Variants in IKBIP observed in about 807,000 individuals in gnomAD.
IKBIP encodes the protein IKBKB interacting protein.
A neutral mutation model predicts 31.0 loss-of-function variants in IKBIP; 28 were observed. The ratio of observed to expected loss-of-function variants is 0.90; its 90% CI spans 0.67 to 1.24. IKBIP has a LOEUF of 1.24. IKBIP is among the 50% of genes most tolerant of loss of function. The probability of loss-of-function intolerance (pLI) is 0.00; values close to 1 mark genes in which losing one functional copy is unlikely to be tolerated. For synonymous variants in IKBIP, 164 were observed against 160.3 expected (o/e 1.02, Z -0.17); for missense variants, 453 against 441.9 (o/e 1.03, Z -0.23).
exon 3 of IKBIP, chr12:98,613,766 A>G (rs1457085062): frequency 1.2e-6 from 2 of 1,611,706 alleles, no homozygotes; most frequent in Non-Finnish European, 1.7e-6. Flanking sequence ...TAAACGGGAA[A>G]AGTCCTTCTT....
Position 98,626,398 on chromosome 12 carries a change from T to G in IKBIP, c.666A>C (p.Glu222Asp). Residue 222 changes from glutamate (E) to aspartate (D), a missense_variant, in exon 3 of 3, where the codon GAA (glutamate) becomes GAC (aspartate). Physicochemically the swap from Glu to Asp is conservative, Grantham distance 45. Transcript: ENST00000299157. ...NIRTVKRQEE[E>D]DLLRVEEQLG... ...GCTGCTCCTCTACTCGCAGGAGATCTTCTTCTTCTTGTCTTTTTACTGTTC... is the reference window on the plus strand; with the variant it reads ...GCTGCTCCTCTACTCGCAGGAGATCGTCTTCTTCTTGTCTTTTTACTGTTC... The G allele has an allele frequency of 6.2e-7, 1 of 1,607,650 alleles. No individual in the cohort carries two copies. The highest frequency in any genetic ancestry group is 8.5e-7 in the Non-Finnish European group (1 of 1,174,832).
chr12:98,630,827 T>A (rs1399527987), intron 2 of IKBIP, among the ~76,000 whole-genome samples: 1 of 152,250 alleles, frequency 6.6e-6, no homozygotes, highest in Non-Finnish European at 1.5e-5. Context: ...ATCTGGGTTA[T>A]GCTGCCCTTT....
rs1386363831 is a variant in IKBIP at position 98,626,682 on chromosome 12, G to C, written c.382C>G (p.Gln128Glu). 6.2e-7 allele frequency: 1 copy of C among 1,613,916 alleles called. No individual in the cohort carries two copies. The highest frequency in any genetic ancestry group is 1.1e-5 in the South Asian group (1 of 91,070). ...TTTTGAATGTCATGCATGATATCTT[G>C]GAGGTTGGATACTTCCTGCTCAAAC... ...TQFEQEVSNL[Q>E]DIMHDIQNNE... Residue 128 changes from glutamine (Q) to glutamate (E), a missense_variant, in exon 3 of 3, where the codon CAA becomes GAA. Physicochemically the swap from Gln to Glu is conservative, Grantham distance 29 (BLOSUM62 2). Coordinates refer to ENST00000299157, the MANE Select transcript of IKBIP (RefSeq NM_153687.4).
intron 1 of IKBIP, among the ~76,000 whole-genome samples, chr12:98,637,597 T>C (rs2097626907): frequency 6.6e-6 from 1 of 152,104 alleles, no homozygotes; most frequent in Non-Finnish European, 1.5e-5. Context: ...TTAGTAGAGA[T>C]GGGGTTTCAC....
exon 3 of IKBIP, chr12:98,613,916 G>C: frequency 6.2e-7 from 1 of 1,613,570 alleles, no homozygotes; most frequent in Non-Finnish European, 8.5e-7. Context: ...CTTCTTAACA[G>C]AGTTAATTCT....
Position 98,634,323 on chromosome 12 carries a change from T to C in IKBIP, c.270A>G (p.Gln90=), listed in dbSNP as rs2153299699. 1 of 1,584,638 alleles carries C rather than the reference T, an allele frequency of 6.3e-7. No individual in the cohort carries two copies. Among genetic ancestry groups the C allele is most frequent in the Non-Finnish European group, 8.7e-7 (1 of 1,154,242 alleles). The part of the protein sequence containing the change: ...KLETNEFQQL[Q]SKISLISEKL... ...TTTCTGAAATTAAACTGATTTTACT[T>C]TGAAGTTGTTGGAATTCATTGGTTT... Residue 90 remains glutamine, a synonymous_variant, in exon 2 of 3, where the codon CAA becomes CAG. Transcript: ENST00000299157.
At chr12:98,626,856 G>T in intron 2 of IKBIP, 90 bp from the exon 3 acceptor site, 1 of 976,866 alleles carries the variant, frequency 1.0e-6, no homozygotes, top group Non-Finnish European at 1.5e-6. Flanking sequence ...CATAACACAT[G>T]CCACGTTAAA....
chr12:98,622,454 T>G (rs1565838353), downstream of IKBIP, among the ~76,000 whole-genome samples: 1 of 151,850 alleles, frequency 6.6e-6, no homozygotes, highest in Non-Finnish European at 1.5e-5. Flanking sequence ...CCCAGGAAGT[T>G]GACACTGTGG....
intron 1 of IKBIP, among the ~76,000 whole-genome samples, chr12:98,638,447 A>G (rs1846942019): frequency 6.6e-6 from 1 of 151,984 alleles, no homozygotes; most frequent in Non-Finnish European, 1.5e-5. Flanking sequence ...ATGCCTGGCT[A>G]ATTTTTTATA....
At chr12:98,644,478 G>A (rs1187254469) in intron 1 of IKBIP, 45 bp downstream of exon 1, 2 of 1,518,860 alleles carry the variant, frequency 1.3e-6, no homozygotes, top group South Asian at 2.5e-5. Flanking sequence ...CCAAACAGCA[G>A]GGGGCCCACA....
chr12:98,635,585 A>C (rs923176208), intron 1 of IKBIP, among the ~76,000 whole-genome samples: 2 of 152,222 alleles, frequency 1.3e-5, no homozygotes, highest in Non-Finnish European at 2.9e-5. Flanking sequence ...AATTTAGAAC[A>C]AGATCTTTGA....
downstream of IKBIP, among the ~76,000 whole-genome samples, chr12:98,619,873 G>GA (rs562387976): frequency 0.02 from 1,362 of 68,950 alleles, 16 homozygotes; most frequent in African/African-American, 0.031. Flanking sequence ...CCCTTTCTCA[G>GA]AAAAAAAAAA....
chr12:98,637,704 G>A (rs1593000105), intron 1 of IKBIP, among the ~76,000 whole-genome samples: 1 of 151,980 alleles, frequency 6.6e-6, no homozygotes, highest in Non-Finnish European at 1.5e-5. Context: ...ACCGCGCCCG[G>A]CTTTTTTCTT....
intron 2 of IKBIP, among the ~76,000 whole-genome samples, 199 bp from the exon 3 acceptor site, chr12:98,626,965 TTTTATTTA>T (rs377000418): frequency 6.6e-6 from 1 of 152,090 alleles, no homozygotes. Flanking sequence ...CCCTGCATTG[TTTTATTTA>T]TTTATTTATT....
chr12:98,628,493 TAC>T (rs909906069), intron 2 of IKBIP, among the ~76,000 whole-genome samples: 14 of 152,224 alleles, frequency 9.2e-5, no homozygotes, highest in African/African-American at 3.1e-4. Context: ...TTTATTTAGT[TAC>T]ATTGTCCTTA....
chr12:98,628,136 CAT>C (rs1422951655), intron 2 of IKBIP, among the ~76,000 whole-genome samples: 1 of 152,182 alleles, frequency 6.6e-6, no homozygotes. Context: ...ATGCTGAAGA[CAT>C]AATACTGAAC....
intron 2 of IKBIP, among the ~76,000 whole-genome samples, chr12:98,618,295 A>G (rs1454284925): frequency 6.6e-6 from 1 of 152,120 alleles, no homozygotes; most frequent in East Asian, 1.9e-4. Context: ...ATAATTGTGT[A>G]TTTCTTCAAT....
At chr12:98,621,650 T>G (rs2097610224), downstream of IKBIP, among the ~76,000 whole-genome samples, 1 of 152,218 alleles carries the variant, frequency 6.6e-6, no homozygotes, top group Admixed American at 6.5e-5. Context: ...ACAGTGTGAC[T>G]GCAAGATTCC....
At chr12:98,621,419 CCAAA>C (rs2097610064), downstream of IKBIP, among the ~76,000 whole-genome samples, 2 of 152,270 alleles carry the variant, frequency 1.3e-5, no homozygotes, top group South Asian at 2.1e-4. Context: ...TGCTCAAGGG[CCAAA>C]CAATTTTAGA....
Sources: gnomAD v4.1 joint callset for allele counts (sites outside exome capture counted in the v4.1 genomes callset) on GRCh38, gnomAD v4.1.1 for gene constraint, MANE v1.5 for transcripts, NCBI Gene and HGNC (gene_info 2026-07-23, HGNC 2026-07-21) for gene names.